The following CNTNAP2 variants were observed in gnomAD, a reference collection of about 807,000 sequenced individuals.
CNTNAP2 encodes the protein contactin-associated protein-like 2.
In CNTNAP2, 98 loss-of-function variants were observed where a neutral mutation model predicts 155.2. The observed-to-expected ratio is 0.63, with a 90% CI of 0.54 to 0.75. The LOEUF is 0.75. Ranked by LOEUF, CNTNAP2 falls within the 30% of genes least tolerant of loss-of-function variation. CNTNAP2 has a pLI of 0.00. For missense variants in CNTNAP2, 1,727 were observed against 1,688.1 expected (o/e 1.02, Z -0.40); for synonymous variants, 651 against 631.2 (o/e 1.03, Z -0.47).
At chr7:147,145,771 C>T (rs1801689753) in intron 8 of CNTNAP2, among the ~76,000 whole-genome samples, 1 of 152,134 alleles carries the variant, frequency 6.6e-6, no homozygotes, top group African/African-American at 2.4e-5. Flanking sequence ...TTTGATTTCA[C>T]TTTTGCTTTC....
intron 1 of CNTNAP2, among the ~76,000 whole-genome samples, chr7:146,272,185 G>A (rs758300620): frequency 7.9e-5 from 12 of 152,092 alleles, no homozygotes; most frequent in Admixed American, 1.3e-4. Flanking sequence ...AAGCAAACAC[G>A]TCCTTCTTCA....
At chr7:147,862,633 A>G (rs1799155603) in intron 13 of CNTNAP2, among the ~76,000 whole-genome samples, 3 of 151,610 alleles carry the variant, frequency 2.0e-5, no homozygotes, top group Admixed American at 2.0e-4. Flanking sequence ...TCATATATAT[A>G]TACATATATA....
intron 1 of CNTNAP2, among the ~76,000 whole-genome samples, chr7:146,699,409 T>C (rs1477576406): frequency 6.6e-6 from 1 of 152,106 alleles, no homozygotes; most frequent in Non-Finnish European, 1.5e-5. Context: ...ATGCAGGAGT[T>C]CTGCTGATGT....
intron 1 of CNTNAP2, among the ~76,000 whole-genome samples, chr7:146,542,971 A>G (rs928049364): frequency 2.0e-5 from 3 of 151,902 alleles, no homozygotes; most frequent in African/African-American, 7.2e-5. Flanking sequence ...TCAAATAAGA[A>G]GAATAAATTC....
At chr7:146,964,902 T>C (rs1302235925) in intron 3 of CNTNAP2, among the ~76,000 whole-genome samples, 1 of 152,074 alleles carries the variant, frequency 6.6e-6, no homozygotes, top group East Asian at 1.9e-4. Flanking sequence ...CTGGCCAGAG[T>C]TGACCAACCC....
chr7:146,934,504 C>T (rs983394626), intron 3 of CNTNAP2, among the ~76,000 whole-genome samples: 15 of 151,188 alleles, frequency 9.9e-5, no homozygotes, highest in Non-Finnish European at 1.5e-4. Flanking sequence ...TGCTAAATGA[C>T]GAGTTAATGG....
chr7:148,410,727 A>G (rs1223466221), intron 23 of CNTNAP2, among the ~76,000 whole-genome samples: 2 of 152,146 alleles, frequency 1.3e-5, no homozygotes, highest in Non-Finnish European at 1.5e-5. Context: ...CACAGGAGCT[A>G]AAAGATTTAC....
intron 12 of CNTNAP2, among the ~76,000 whole-genome samples, chr7:147,625,683 CTG>C (rs1794957432): frequency 6.6e-6 from 1 of 152,144 alleles, no homozygotes; most frequent in African/African-American, 2.4e-5. Context: ...ATGAACTGAA[CTG>C]TGTGTGGAGA....
chr7:148,106,517 T>TATATATATATATATATAC (rs1804224754), intron 15 of CNTNAP2, among the ~76,000 whole-genome samples: 1 of 146,490 alleles, frequency 6.8e-6, no homozygotes, highest in African/African-American at 2.5e-5. Flanking sequence ...TATATATATA[T>TATATATATATATATATAC]ATACATATTT....
At chr7:146,547,775 C>G (rs1384304599) in intron 1 of CNTNAP2, among the ~76,000 whole-genome samples, 2 of 151,348 alleles carry the variant, frequency 1.3e-5, no homozygotes, top group African/African-American at 4.9e-5. Context: ...CGTGGAAGTG[C>G]TAATATCTCT....
intron 1 of CNTNAP2, among the ~76,000 whole-genome samples, chr7:146,389,703 C>CTTTTTT (rs750823074): frequency 7.8e-6 from 1 of 129,016 alleles, no homozygotes; most frequent in South Asian, 2.4e-4. Context: ...TTTCTTTTTT[C>CTTTTTT]TTTTTTTTTT....
At chr7:148,130,389 C>T (rs1372260012) in intron 16 of CNTNAP2, among the ~76,000 whole-genome samples, 2 of 152,204 alleles carry the variant, frequency 1.3e-5, no homozygotes, top group Non-Finnish European at 2.9e-5. Flanking sequence ...GTCTCTACCT[C>T]CCAGGATGGC....
intron 3 of CNTNAP2, among the ~76,000 whole-genome samples, chr7:146,911,613 A>C: frequency 7.3e-6 from 1 of 137,108 alleles, no homozygotes; most frequent in Non-Finnish European, 1.5e-5. Context: ...CAATGAGATC[A>C]CATGGACACA....
chr7:147,533,848 G>T (rs1021263453), intron 11 of CNTNAP2, among the ~76,000 whole-genome samples: 2 of 152,144 alleles, frequency 1.3e-5, no homozygotes, highest in Non-Finnish European at 2.9e-5. Context: ...TAAAATTGAA[G>T]ACACATTAAG....
chr7:147,999,634 T>C (rs1236851306), intron 15 of CNTNAP2, among the ~76,000 whole-genome samples: 1 of 152,072 alleles, frequency 6.6e-6, no homozygotes, highest in East Asian at 1.9e-4. Context: ...TTGTAGGAAA[T>C]AGGGTCTTTA....
chr7:148,393,151 A>G (rs1225728745), intron 22 of CNTNAP2, among the ~76,000 whole-genome samples: 2 of 152,200 alleles, frequency 1.3e-5, no homozygotes, highest in African/African-American at 4.8e-5. Context: ...CTACCTAACT[A>G]CAAGCTGATC....
intron 11 of CNTNAP2, among the ~76,000 whole-genome samples, chr7:147,528,393 A>T (rs1799364219): frequency 6.6e-6 from 1 of 152,138 alleles, no homozygotes; most frequent in African/African-American, 2.4e-5. Flanking sequence ...GTCTCATGGC[A>T]CAGGAGGCCA....
chr7:147,601,441 T>C (rs1471724841), intron 12 of CNTNAP2, among the ~76,000 whole-genome samples: 5 of 151,944 alleles, frequency 3.3e-5, no homozygotes, highest in Non-Finnish European at 7.4e-5. Flanking sequence ...CAGGATGAGC[T>C]AGGAGAAGGA....
chr7:147,985,670 C>T (rs1317749338), intron 15 of CNTNAP2, among the ~76,000 whole-genome samples: 1 of 152,044 alleles, frequency 6.6e-6, no homozygotes, highest in African/African-American at 2.4e-5. Context: ...TTTTGGCTCC[C>T]CTAACAGTGT....
Sources: allele counts gnomAD v4.1 joint callset (sites outside exome capture counted in the v4.1 genomes callset), GRCh38; gene constraint gnomAD v4.1.1; transcripts MANE v1.5; gene names NCBI Gene and HGNC (gene_info 2026-07-23, HGNC 2026-07-21).